P2RY8: variants seen among roughly 807,000 people sequenced by gnomAD.
The protein encoded by P2RY8 is P2Y receptor family member 8.
Under a neutral mutation model 10.0 loss-of-function variants are expected in P2RY8, and 6 were observed. The observed-to-expected ratio is 0.60, with a 90% CI of 0.33 to 1.19. The LOEUF (loss-of-function observed/expected upper bound fraction) is 1.19. Ranked by LOEUF, P2RY8 falls within the 50% of genes most tolerant of loss-of-function variation. P2RY8 has a pLI of 0.04. For synonymous variants in P2RY8, 276 were observed against 252.5 expected, an observed-to-expected ratio of 1.09 and a Z score of -0.88; for missense variants, 456 against 542.0, an observed-to-expected ratio of 0.84 and a Z score of 1.58.
intron 1 of P2RY8, among the ~76,000 whole-genome samples, chrX:1,517,960 T>C (rs1226323554): frequency 6.5e-4 from 98 of 150,094 alleles, no homozygotes; most frequent in African/African-American, 2.4e-3. Context: ...AATACAAAAA[T>C]TAGCTGGGCG....
Position 1,536,927 on chromosome X carries a change from A to T in P2RY8, c.-31T>A, listed in dbSNP as rs1462465452. On this transcript the variant is annotated 5_prime_UTR_variant, in exon 1 of 2. Coordinates refer to ENST00000381297, the MANE Select transcript of P2RY8 (RefSeq NM_178129.5). ...GTCCAGCTCGGCGGCTCACCTGTGC[A>T]GAAGCAGCGGCAGAAGTAGCAGGTG... 4.4e-6 allele frequency: 1 copy of T among 226,564 alleles called. No individual in the cohort carries two copies. Among genetic ancestry groups the T allele is most frequent in the African/African-American group, 2.2e-5 (1 of 44,890 alleles). 14.0% of individuals were successfully genotyped at this position (226,564 alleles called of 1,614,324 possible).
chrX:1,524,579 A>G (rs1183920679), intron 1 of P2RY8, among the ~76,000 whole-genome samples: 1 of 143,998 alleles, frequency 6.9e-6, no homozygotes, highest in Non-Finnish European at 1.5e-5. Context: ...CCATCCATCC[A>G]TCCATCCATC....
At chrX:1,480,384 G>A (rs1420348889) in intron 1 of P2RY8, among the ~76,000 whole-genome samples, 4 of 99,996 alleles carry the variant, frequency 4.0e-5, no homozygotes, top group Admixed American at 1.0e-4. Context: ...TGCAGCTTGC[G>A]CTTCCCGGGT....
chrX:1,528,700 TTGAA>T (rs2149414461), intron 1 of P2RY8, among the ~76,000 whole-genome samples: 1 of 152,266 alleles, frequency 6.6e-6, no homozygotes, highest in Non-Finnish European at 1.5e-5. Flanking sequence ...TTGAGTCTCT[TTGAA>T]TGAGTGTGGA....
chrX:1,484,273 C>T (rs1251615912), intron 1 of P2RY8, among the ~76,000 whole-genome samples: 1 of 152,142 alleles, frequency 6.6e-6, no homozygotes, highest in Non-Finnish European at 1.5e-5. Flanking sequence ...AATCTCTCTC[C>T]TCTGAAAGGT....
chrX:1,530,926 G>A (rs1184922538), intron 1 of P2RY8, among the ~76,000 whole-genome samples: 11 of 151,072 alleles, frequency 7.3e-5, no homozygotes, highest in Admixed American at 6.6e-4. Context: ...TCTAATCTAT[G>A]CATGTATCTA....
At chrX:1,516,056 G>T in intron 1 of P2RY8, among the ~76,000 whole-genome samples, 1 of 150,292 alleles carries the variant, frequency 6.7e-6, no homozygotes, top group Non-Finnish European at 1.5e-5. Context: ...AATTAGCCAG[G>T]CGCGGTGGCA....
chrX:1,474,151 T>C (rs1474865323), intron 1 of P2RY8, among the ~76,000 whole-genome samples: 3 of 150,218 alleles, frequency 2.0e-5, no homozygotes, highest in African/African-American at 7.4e-5. Context: ...GGTTGATGGG[T>C]AGATGGATGG....
rs2092495316 is a variant in P2RY8 at position 1,533,433 on chromosome X, TTTA to T, written c.-25+3485_-25+3487del. ...TATTTATATATTATATATTTATATATTTATTATTTAAATATATTGTATATTTAT... is the reference window on the plus strand; with the variant it reads ...TATTTATATATTATATATTTATATATTTATTTAAATATATTGTATATTTAT... On this transcript the variant is annotated intron_variant, in intron 1 of 1. Coordinates refer to ENST00000381297, the MANE Select transcript of P2RY8 (RefSeq NM_178129.5). Among the ~76,000 whole-genome samples the T allele has an allele frequency of 2.1e-5, 3 of 144,526 alleles. No individual in the cohort carries two copies. In the Admixed American group the frequency reaches 2.1e-4, roughly 10 times the overall value. 94.8% of individuals were successfully genotyped at this position (144,526 alleles called of 152,430 possible).
chrX:1,534,307 T>C (rs1361304634), intron 1 of P2RY8, among the ~76,000 whole-genome samples: 1 of 149,332 alleles, frequency 6.7e-6, no homozygotes, highest in Non-Finnish European at 1.5e-5. Flanking sequence ...GATAGGTGTA[T>C]CTGTTGCTTT....
Position 1,501,053 on chromosome X carries a change from CT to C in P2RY8, c.-24-34472del, listed in dbSNP as rs1246986988. On this transcript the variant is annotated intron_variant, in intron 1 of 1. Transcript: ENST00000381297. ...AGAGGTGGGGATTTTTAAGCCTGAC[CT>C]TTTAACTTTACCACAGGGCTGCTAT... 1.4e-3 allele frequency among the ~76,000 whole-genome samples: 216 copies of C among 152,260 alleles called. 2 individuals are homozygous for C. Among genetic ancestry groups the C allele is most frequent in the Non-Finnish European group, 4.1e-4 (28 of 68,012 alleles).
chrX:1,527,706 T>TATCC (rs373084254), intron 1 of P2RY8, among the ~76,000 whole-genome samples: 58 of 151,446 alleles, frequency 3.8e-4, no homozygotes, highest in East Asian at 1.2e-3. Context: ...TTTACTCATC[T>TATCC]ATCCATCCAT....
intron 1 of P2RY8, among the ~76,000 whole-genome samples, chrX:1,488,191 C>T (rs751120651): frequency 6.6e-6 from 1 of 152,286 alleles, no homozygotes; most frequent in Admixed American, 6.5e-5. Context: ...CCAGGAGCCC[C>T]TCAGCCTGCC....
intron 1 of P2RY8, among the ~76,000 whole-genome samples, chrX:1,528,979 T>C (rs1241252801): frequency 6.6e-6 from 1 of 152,220 alleles, no homozygotes; most frequent in Non-Finnish European, 1.5e-5. Flanking sequence ...TTCCCTTTGT[T>C]GCATGGGACA....
At position 1,466,335 on chromosome X, in the gene P2RY8, A is replaced by C; in HGVS notation, c.224T>G (p.Val75Gly). 1 of 1,613,844 alleles carries C rather than the reference A, an allele frequency of 6.2e-7. No homozygotes were observed. Among genetic ancestry groups the C allele is most frequent in the Non-Finnish European group, 8.5e-7 (1 of 1,179,858 alleles). ...LSVTDLMLAS[V>G]LPFQIYYHCN... Reference sequence around the variant, plus strand: ...ATGGTAGTAGATTTGGAAAGGCAACACGCTGGCCAGCATCAGGTCCGTGAC... The same window carrying C: ...ATGGTAGTAGATTTGGAAAGGCAACCCGCTGGCCAGCATCAGGTCCGTGAC... The change falls in exon 2 of 2, where the codon GTG becomes GGG. Residue 75 changes from valine to glycine, a missense_variant. Val to Gly is a moderately radical substitution (Grantham distance 109, BLOSUM62 -3). Transcript: ENST00000381297.
intron 1 of P2RY8, among the ~76,000 whole-genome samples, chrX:1,531,918 G>C (rs1207969950): frequency 7.9e-5 from 12 of 152,188 alleles, no homozygotes; most frequent in Admixed American, 5.2e-4. Flanking sequence ...GCAAATGCTA[G>C]TGTGGATGTG....
At chrX:1,486,240 C>A (rs1336016293) in intron 1 of P2RY8, among the ~76,000 whole-genome samples, 1 of 151,994 alleles carries the variant, frequency 6.6e-6, no homozygotes, top group Non-Finnish European at 1.5e-5. Flanking sequence ...AAAATGGTTG[C>A]ACCCATAAAA....
Position 1,514,841 on chromosome X carries a change from T to TCCC in P2RY8, c.-25+22079_-25+22080insGGG, listed in dbSNP as rs1208405877. ...TCCTTCCCTTTCCCTTTCCTTCCCTTTCCCTTTCCCTCCCCCTCCCCCTCC... is the reference window on the plus strand; with the variant it reads ...TCCTTCCCTTTCCCTTTCCTTCCCTTCCCTCCCTTTCCCTCCCCCTCCCCCTCC... On this transcript the variant is annotated intron_variant, in intron 1 of 1. Coordinates refer to ENST00000381297, the MANE Select transcript of P2RY8 (RefSeq NM_178129.5). Among the ~76,000 whole-genome samples, 10 of 27,692 alleles carry TCCC rather than the reference T, an allele frequency of 3.6e-4. 1 individual carries two copies. The highest frequency in any genetic ancestry group is 9.0e-4 in the African/African-American group (8 of 8,888). 18.2% of individuals were successfully genotyped at this position (27,692 alleles called of 152,430 possible). A position where few individuals can be genotyped will look rare whatever the true frequency, so the allele number is the denominator to read the frequency against.
At chrX:1,524,656 T>C (rs1349244693) in intron 1 of P2RY8, among the ~76,000 whole-genome samples, 1 of 89,696 alleles carries the variant, frequency 1.1e-5, no homozygotes, top group Non-Finnish European at 2.5e-5. Context: ...CATCCATCCA[T>C]CCATCCATCC....
Sources: gnomAD v4.1 joint callset for allele counts (sites outside exome capture counted in the v4.1 genomes callset) on GRCh38, gnomAD v4.1.1 for gene constraint, MANE v1.5 for transcripts, NCBI Gene and HGNC (gene_info 2026-07-23, HGNC 2026-07-21) for gene names.